The following TET3 variants were observed in gnomAD, a reference collection of about 807,000 sequenced individuals.
The protein encoded by TET3 is methylcytosine dioxygenase TET3.
In TET3, 19 loss-of-function variants were observed where a neutral mutation model predicts 141.4. That is an observed-to-expected ratio of 0.13 (90% CI 0.09 to 0.20). The LOEUF (loss-of-function observed/expected upper bound fraction) is 0.20. TET3 is among the 10% of genes least tolerant of loss of function. The probability of loss-of-function intolerance (pLI) is 1.00; values close to 1 mark genes in which losing one functional copy is unlikely to be tolerated. For synonymous variants in TET3, 1,043 were observed against 980.9 expected (o/e 1.06, Z -1.18); for missense variants, 1,874 against 2,356.9 (o/e 0.80, Z 4.24).
intron 3 of TET3, among the ~76,000 whole-genome samples, chr2:74,035,046 A>AG (rs1260577859): frequency 6.6e-6 from 1 of 150,880 alleles, no homozygotes; most frequent in East Asian, 1.9e-4. Context: ...CAAAAAAAAA[A>AG]AAAAAATCAG....
At chr2:74,030,276 C>T (rs1015665209) in intron 3 of TET3, among the ~76,000 whole-genome samples, 3 of 152,206 alleles carry the variant, frequency 2.0e-5, no homozygotes, top group African/African-American at 7.2e-5. Flanking sequence ...CTAGTTTTCT[C>T]ATTTGTGTGC....
chr2:74,011,583 C>T (rs555511571), intron 3 of TET3, among the ~76,000 whole-genome samples: 143 of 152,328 alleles, frequency 9.4e-4, no homozygotes, highest in African/African-American at 3.3e-3. Flanking sequence ...AGCTCCTCCC[C>T]GGTGTCACTC....
chr2:74,010,281 A>G (rs963819005), intron 3 of TET3, among the ~76,000 whole-genome samples: 1 of 152,178 alleles, frequency 6.6e-6, no homozygotes. Flanking sequence ...CACCTTCCAG[A>G]TGCTGCCGCC....
At chr2:74,094,164 A>G (rs962004537) in intron 10 of TET3, among the ~76,000 whole-genome samples, 17 of 152,222 alleles carry the variant, frequency 1.1e-4, no homozygotes, top group Admixed American at 2.0e-4. Context: ...ATAAAGCAAC[A>G]GGAGATGCTG....
At chr2:74,076,267 T>A (rs967469217) in intron 5 of TET3, among the ~76,000 whole-genome samples, 2 of 152,244 alleles carry the variant, frequency 1.3e-5, no homozygotes, top group Admixed American at 6.5e-5. Context: ...CTTGTGTTTT[T>A]CCTTAGCAAC....
Position 74,048,420 on chromosome 2 carries a change from G to T in TET3, c.2494+9G>T, listed in dbSNP as rs767497458. ...CACCTGCGATTGCGTCGGTAAGTCC[G>T]CCTGGGTATCAGGGAAGGGCAGAGA... is the stretch of plus-strand genomic sequence containing the variant. On this transcript the variant is annotated intron_variant, in intron 4 of 11. Coordinates refer to ENST00000409262, the MANE Select transcript of TET3 (RefSeq NM_001287491.2). 7 of 1,597,572 alleles carry T rather than the reference G, an allele frequency of 4.4e-6. No individual in the cohort carries two copies. The Admixed American group carries it at 6.9e-5, about 16-fold the overall frequency.
At chr2:74,073,261 A>G (rs897549508) in intron 4 of TET3, among the ~76,000 whole-genome samples, 1 of 152,198 alleles carries the variant, frequency 6.6e-6, no homozygotes, top group African/African-American at 2.4e-5. Flanking sequence ...TTATTGGATA[A>G]TGGTAGGCGG....
chr2:74,088,603 T>C (rs1314077743), intron 7 of TET3, among the ~76,000 whole-genome samples: 1 of 152,170 alleles, frequency 6.6e-6, no homozygotes, highest in African/African-American at 2.4e-5. Flanking sequence ...ATTGCACCAC[T>C]GCACTCCAGC....
At chr2:74,000,595 A>G (rs1358365606) in intron 2 of TET3, among the ~76,000 whole-genome samples, 1 of 152,134 alleles carries the variant, frequency 6.6e-6, no homozygotes, top group African/African-American at 2.4e-5. Flanking sequence ...TGAGGCATGA[A>G]AACATTACTA....
chr2:74,108,238 CCCTGTAA>C (rs1319164224), downstream of TET3: 1 of 153,704 alleles, frequency 6.5e-6, no homozygotes. Context: ...GTGTCAGGTA[CCCTGTAA>C]CCTCACCCAC....
chr2:74,123,867 C>T, the TET3 span, among the ~76,000 whole-genome samples: 33 of 149,358 alleles, frequency 2.2e-4, no homozygotes, highest in South Asian at 4.2e-4. Flanking sequence ...GCCTCTGCCC[C>T]GCCGCCCCGT....
chr2:74,043,956 T>TA (rs1378134185), intron 3 of TET3, among the ~76,000 whole-genome samples: 1 of 152,010 alleles, frequency 6.6e-6, no homozygotes, highest in African/African-American at 2.4e-5. Flanking sequence ...GGCCAGAAGT[T>TA]AGAGATCAGC....
chr2:74,073,275 C>T (rs1237928951), intron 4 of TET3, among the ~76,000 whole-genome samples: 2 of 152,136 alleles, frequency 1.3e-5, no homozygotes, highest in African/African-American at 4.8e-5. Context: ...TAGGCGGAAT[C>T]CCAAAGTGCT....
downstream of TET3, among the ~76,000 whole-genome samples, chr2:74,113,130 C>A (rs1435199612): frequency 6.6e-6 from 1 of 151,662 alleles, no homozygotes; most frequent in Non-Finnish European, 1.5e-5. Flanking sequence ...GTGGCTCACA[C>A]CTATAATCCC....
intron 7 of TET3, among the ~76,000 whole-genome samples, chr2:74,089,080 C>CAAAAAAAAAAA (rs34315040): frequency 1.7e-5 from 1 of 60,562 alleles, no homozygotes; most frequent in African/African-American, 6.2e-5. Context: ...GATTCCGTCT[C>CAAAAAAAAAAA]AAAAAAAAAA....
intron 2 of TET3, among the ~76,000 whole-genome samples, chr2:74,000,923 GT>G (rs1573652553): frequency 1.3e-5 from 2 of 152,148 alleles, no homozygotes; most frequent in East Asian, 3.9e-4. Context: ...CGTACTAGTT[GT>G]TCCTTTCCAA....
At chr2:74,100,236 G>A (rs967684788) in intron 11 of TET3, among the ~76,000 whole-genome samples, 157 bp from the exon 12 acceptor site, 12 of 152,120 alleles carry the variant, frequency 7.9e-5, no homozygotes, top group Admixed American at 2.6e-4. Flanking sequence ...AGTACGACCC[G>A]TTCTGGGCTG....
At chr2:74,127,055 A>G in the TET3 span, among the ~76,000 whole-genome samples, 3 of 152,206 alleles carry the variant, frequency 2.0e-5, no homozygotes, top group Non-Finnish European at 4.4e-5. Flanking sequence ...AAGCAGCTGT[A>G]ACTGGGTCAG....
chr2:74,096,502 C>A (rs1431712569), intron 10 of TET3, among the ~76,000 whole-genome samples: 1 of 152,174 alleles, frequency 6.6e-6, no homozygotes, highest in Non-Finnish European at 1.5e-5. Flanking sequence ...CGCAGGGGCT[C>A]ACGCCTGTAA....
Sources: gnomAD v4.1 joint callset for allele counts (sites outside exome capture counted in the v4.1 genomes callset) on GRCh38, gnomAD v4.1.1 for gene constraint, MANE v1.5 for transcripts, NCBI Gene and HGNC (gene_info 2026-07-23, HGNC 2026-07-21) for gene names.